The following FGF12 variants were observed in gnomAD, a reference collection of about 807,000 sequenced individuals.
FGF12 encodes fibroblast growth factor 12.
In FGF12, 14 loss-of-function variants were observed where a neutral mutation model predicts 23.6. The observed-to-expected ratio is 0.59, with a 90% CI of 0.39 to 0.93. The LOEUF (loss-of-function observed/expected upper bound fraction) is 0.93. FGF12 is among the 40% of genes least tolerant of loss of function. The pLI is 0.00. For missense variants in FGF12, 175 were observed against 217.8 expected (o/e 0.80, Z 1.24); for synonymous variants, 62 against 77.3 (o/e 0.80, Z 1.04).
intron 2 of FGF12, among the ~76,000 whole-genome samples, chr3:192,402,782 GAT>G (rs751033607): frequency 6.6e-6 from 1 of 152,118 alleles, no homozygotes; most frequent in Non-Finnish European, 1.5e-5. Flanking sequence ...TATTATTATA[GAT>G]GATTAATTTA....
chr3:192,375,625 A>T (rs549355016), intron 2 of FGF12, among the ~76,000 whole-genome samples: 2 of 152,254 alleles, frequency 1.3e-5, no homozygotes, highest in East Asian at 3.9e-4. Context: ...ATAGATTTAC[A>T]AACATGTTTA....
At chr3:192,694,593 A>G (rs1323435175) in intron 2 of FGF12, among the ~76,000 whole-genome samples, 2 of 151,954 alleles carry the variant, frequency 1.3e-5, no homozygotes, top group African/African-American at 4.8e-5. Flanking sequence ...ATACGTACAT[A>G]TATACATATA....
At chr3:192,574,637 G>C (rs1712794532) in intron 2 of FGF12, among the ~76,000 whole-genome samples, 2 of 152,122 alleles carry the variant, frequency 1.3e-5, no homozygotes, top group Admixed American at 6.5e-5. Flanking sequence ...GGGGGATGAG[G>C]GCAAATGTTC....
intron 2 of FGF12, among the ~76,000 whole-genome samples, chr3:192,457,793 C>A (rs1722725880): frequency 6.6e-6 from 1 of 152,190 alleles, no homozygotes; most frequent in Admixed American, 6.5e-5. Context: ...TAATGTTAAT[C>A]CCCAAGACCA....
intron 4 of FGF12, among the ~76,000 whole-genome samples, chr3:192,219,468 G>A (rs1004580904): frequency 1.3e-5 from 2 of 152,044 alleles, no homozygotes; most frequent in East Asian, 1.9e-4. Context: ...ACTTAAACAC[G>A]AAAAACCCCC....
At chr3:192,323,206 C>T (rs1716638795) in intron 4 of FGF12, among the ~76,000 whole-genome samples, 1 of 152,142 alleles carries the variant, frequency 6.6e-6, no homozygotes, top group Non-Finnish European at 1.5e-5. Context: ...ATCCAGCAAT[C>T]CCACTGCTAG....
intron 4 of FGF12, among the ~76,000 whole-genome samples, chr3:192,201,224 T>G (rs899236263): frequency 6.6e-6 from 1 of 152,172 alleles, no homozygotes; most frequent in Non-Finnish European, 1.5e-5. Context: ...CTTTCTTGAT[T>G]GATCTCTTTA....
intron 2 of FGF12, among the ~76,000 whole-genome samples, chr3:192,478,579 G>A (rs1407978894): frequency 1.3e-5 from 2 of 151,968 alleles, no homozygotes; most frequent in African/African-American, 4.8e-5. Context: ...ACTTTTCAAA[G>A]AGTCTACTGT....
At chr3:192,334,524 A>G (rs1030259365) in intron 4 of FGF12, among the ~76,000 whole-genome samples, 1 of 152,130 alleles carries the variant, frequency 6.6e-6, no homozygotes, top group African/African-American at 2.4e-5. Flanking sequence ...GCGGAAATAC[A>G]CACATATACA....
chr3:192,572,864 TAGG>T (rs914576019), intron 2 of FGF12, among the ~76,000 whole-genome samples: 1 of 152,120 alleles, frequency 6.6e-6, no homozygotes, highest in African/African-American at 2.4e-5. Flanking sequence ...CAATGAGAAA[TAGG>T]AGCCATTTCA....
intron 2 of FGF12, among the ~76,000 whole-genome samples, chr3:192,650,190 T>C (rs1716166020): frequency 6.6e-6 from 1 of 152,220 alleles, no homozygotes; most frequent in Middle Eastern, 3.2e-3. Flanking sequence ...TCCAAACTCC[T>C]TTTTGCCTGC....
intron 2 of FGF12, among the ~76,000 whole-genome samples, chr3:192,639,154 A>G (rs1302511078): frequency 6.6e-6 from 1 of 152,178 alleles, no homozygotes; most frequent in Non-Finnish European, 1.5e-5. Flanking sequence ...TTGAATAGAC[A>G]TTTCTCCAAA....
chr3:192,291,034 T>C (rs750272272), intron 4 of FGF12, among the ~76,000 whole-genome samples: 1 of 152,290 alleles, frequency 6.6e-6, no homozygotes, highest in East Asian at 1.9e-4. Flanking sequence ...ACATATACAA[T>C]GTCACTATCC....
At chr3:192,502,626 C>T (rs1257894613) in intron 2 of FGF12, among the ~76,000 whole-genome samples, 1 of 152,086 alleles carries the variant, frequency 6.6e-6, no homozygotes, top group Non-Finnish European at 1.5e-5. Flanking sequence ...ACTGTGATTA[C>T]TTTTCTGTAC....
chr3:192,398,856 TG>T (rs1278593888), intron 2 of FGF12, among the ~76,000 whole-genome samples: 1 of 152,142 alleles, frequency 6.6e-6, no homozygotes, highest in Admixed American at 6.5e-5. Flanking sequence ...CATCCTTAGG[TG>T]GGAAGGAGAG....
intron 2 of FGF12, among the ~76,000 whole-genome samples, chr3:192,684,949 T>G (rs1717678678): frequency 6.6e-6 from 1 of 152,236 alleles, no homozygotes; most frequent in African/African-American, 2.4e-5. Flanking sequence ...TTACTTGTGT[T>G]ATGTGGCCTT....
At chr3:192,319,413 A>G (rs1451450539) in intron 4 of FGF12, among the ~76,000 whole-genome samples, 1 of 152,124 alleles carries the variant, frequency 6.6e-6, no homozygotes, top group Non-Finnish European at 1.5e-5. Context: ...CCTGGCCAAC[A>G]TGGTGAAACT....
At position 192,372,671 on chromosome 3, in the gene FGF12, C is replaced by T. The variant is rs560112887; in HGVS notation, c.14-12133G>A. On this transcript the variant is annotated intron_variant, in intron 2 of 5. Coordinates refer to ENST00000445105, the MANE Select transcript of FGF12 (RefSeq NM_004113.6). ...GCCATCGAGTGCTCTGGGCTAGATTCCACTAACAGCCTCCTCACTAACACT... is the reference window on the plus strand; with the variant it reads ...GCCATCGAGTGCTCTGGGCTAGATTTCACTAACAGCCTCCTCACTAACACT... 2.0e-5 allele frequency among the ~76,000 whole-genome samples: 3 copies of T among 152,272 alleles called. No individual in the cohort carries two copies. In the East Asian group the frequency reaches 5.8e-4, roughly 29 times the overall value.
intron 2 of FGF12, among the ~76,000 whole-genome samples, chr3:192,462,316 A>T (rs1722888435): frequency 3.9e-5 from 6 of 152,070 alleles, no homozygotes. Context: ...GTGGGTCTTG[A>T]GGGCTCTGAC....
Sources: allele counts gnomAD v4.1 joint callset (sites outside exome capture counted in the v4.1 genomes callset), GRCh38; gene constraint gnomAD v4.1.1; transcripts MANE v1.5; gene names NCBI Gene and HGNC (gene_info 2026-07-23, HGNC 2026-07-21).